Variants in NALCN observed in about 807,000 individuals in gnomAD.
NALCN encodes sodium leak channel NALCN.
A neutral mutation model predicts 225.3 loss-of-function variants in NALCN; 111 were observed. The observed-to-expected ratio is 0.49, with a 90% CI of 0.42 to 0.58. The LOEUF is 0.58. NALCN is among the 20% of genes least tolerant of loss of function. NALCN has a pLI of 0.00. For synonymous variants in NALCN, 764 were observed against 769.0 expected (o/e 0.99, Z 0.11); for missense variants, 1,378 against 2,202.4 (o/e 0.63, Z 7.49).
intron 6 of NALCN, among the ~76,000 whole-genome samples, chr13:101,365,118 C>T (rs1463479275): frequency 6.6e-6 from 1 of 152,090 alleles, no homozygotes; most frequent in East Asian, 1.9e-4. Context: ...GTCATGCGAG[C>T]GTGGCGTACA....
intron 7 of NALCN, among the ~76,000 whole-genome samples, chr13:101,320,297 AG>A (rs2044701138): frequency 6.6e-6 from 1 of 152,242 alleles, no homozygotes; most frequent in Non-Finnish European, 1.5e-5. Flanking sequence ...AAATTTGCTA[AG>A]CATTCTGAAA....
At chr13:101,261,356 T>C (rs1023039009) in intron 10 of NALCN, among the ~76,000 whole-genome samples, 6 of 152,158 alleles carry the variant, frequency 3.9e-5, no homozygotes, top group African/African-American at 9.6e-5. Flanking sequence ...TGGTTTCATA[T>C]AATTTTAGAA....
chr13:101,299,981 A>G (rs1401375455), intron 7 of NALCN, among the ~76,000 whole-genome samples: 1 of 152,032 alleles, frequency 6.6e-6, no homozygotes, highest in East Asian at 1.9e-4. Flanking sequence ...GTACCCCAAC[A>G]GTAGTTATCA....
At chr13:101,096,938 T>C (rs1020885910) in intron 27 of NALCN, among the ~76,000 whole-genome samples, 3 of 152,172 alleles carry the variant, frequency 2.0e-5, no homozygotes, top group African/African-American at 7.2e-5. Context: ...TTTAATCTGC[T>C]TCACGTCCTC....
intron 13 of NALCN, among the ~76,000 whole-genome samples, chr13:101,222,242 C>T (rs1254916388): frequency 6.6e-6 from 1 of 152,132 alleles, no homozygotes; most frequent in Non-Finnish European, 1.5e-5. Flanking sequence ...AACTCATGTT[C>T]TACAAACCCC....
At chr13:101,106,692 G>A (rs148816454) in intron 22 of NALCN, among the ~76,000 whole-genome samples, 2 of 152,256 alleles carry the variant, frequency 1.3e-5, no homozygotes, top group African/African-American at 4.8e-5. Flanking sequence ...TTTATGAGGG[G>A]TTTCTGCTTT....
intron 7 of NALCN, among the ~76,000 whole-genome samples, chr13:101,343,750 A>G (rs1310461129): frequency 2.0e-5 from 3 of 152,244 alleles, no homozygotes; most frequent in African/African-American, 7.2e-5. Flanking sequence ...CAGTACAAGG[A>G]GACTTTTTCT....
intron 6 of NALCN, among the ~76,000 whole-genome samples, chr13:101,367,127 T>C (rs978331212): frequency 6.6e-6 from 1 of 151,830 alleles, no homozygotes; most frequent in Non-Finnish European, 1.5e-5. Context: ...TTTTATTTTT[T>C]TTTATTTTTT....
At chr13:101,357,861 G>C (rs1444138461) in intron 6 of NALCN, among the ~76,000 whole-genome samples, 1 of 152,134 alleles carries the variant, frequency 6.6e-6, no homozygotes, top group Non-Finnish European at 1.5e-5. Context: ...GAACAGAACA[G>C]AGACCTCAGA....
At chr13:101,397,109 T>C (rs181715457) in intron 2 of NALCN, among the ~76,000 whole-genome samples, 18,047 of 80,676 alleles carry the variant, frequency 0.22, 2,628 homozygotes, top group African/African-American at 0.48. Context: ...TATATATATA[T>C]ACATACACAT....
intron 6 of NALCN, among the ~76,000 whole-genome samples, chr13:101,346,467 G>A (rs554024156): frequency 5.3e-5 from 8 of 152,192 alleles, no homozygotes; most frequent in Non-Finnish European, 8.8e-5. Context: ...CGAATACTAC[G>A]AAACTCATCA....
intron 3 of NALCN, among the ~76,000 whole-genome samples, chr13:101,381,617 T>A (rs954858063): frequency 6.6e-6 from 1 of 152,148 alleles, no homozygotes; most frequent in South Asian, 2.1e-4. Context: ...CCTCCCTTAC[T>A]TCCTTCTTTC....
rs751761805 is a variant in NALCN at position 101,095,620 on chromosome 13, A to C, written c.3223T>G (p.Leu1075Val). ...VSVSKNLNLKLRPGEKKPGFW... is the reference protein window; with the variant it reads ...VSVSKNLNLKVRPGEKKPGFW... The stretch of plus-strand genomic sequence containing the variant: ...CCAGGTTTTTTCTCTCCAGGCCTCA[A>C]TTTTAAATTTAAGTTCTTTGACACA... The change falls in exon 28 of 44, where the codon TTG becomes GTG. Residue 1075 changes from leucine to valine, a missense_variant. By Grantham distance (32) the Leu-to-Val change is conservative (BLOSUM62 1). This residue lies in a region of NALCN where 292 missense variants were observed against 409.5 expected (regional missense o/e 0.71). Coordinates refer to ENST00000251127, the MANE Select transcript of NALCN (RefSeq NM_052867.4). 1 of 1,613,616 alleles carries C rather than the reference A, an allele frequency of 6.2e-7. No individual in the cohort carries two copies. Among genetic ancestry groups the C allele is most frequent in the South Asian group, 1.1e-5 (1 of 90,984 alleles).
chr13:101,397,066 T>TTTTATATA (rs1491530959), intron 2 of NALCN, among the ~76,000 whole-genome samples: 4 of 56,390 alleles, frequency 7.1e-5, no homozygotes, highest in African/African-American at 1.3e-4. Context: ...TATGAATGTA[T>TTTTATATA]TATATATATA....
chr13:101,213,631 A>G (rs1206727085), intron 13 of NALCN, among the ~76,000 whole-genome samples: 2 of 152,254 alleles, frequency 1.3e-5, no homozygotes, highest in Non-Finnish European at 2.9e-5. Flanking sequence ...AAAGTGGGCG[A>G]AGGATATGAA....
chr13:101,116,514 C>A (rs752726023), intron 18 of NALCN: 5 of 516,768 alleles, frequency 9.7e-6, no homozygotes, highest in Non-Finnish European at 1.9e-5. Flanking sequence ...AGCAGGGGGT[C>A]CCCGGTTCTT....
intron 14 of NALCN, among the ~76,000 whole-genome samples, chr13:101,177,649 T>C (rs1333962976): frequency 6.6e-6 from 1 of 152,142 alleles, no homozygotes; most frequent in Non-Finnish European, 1.5e-5. Context: ...AAAAATATTT[T>C]ACGCTGTAGT....
At chr13:101,320,537 AAAG>A (rs2044708258) in intron 7 of NALCN, among the ~76,000 whole-genome samples, 1 of 152,222 alleles carries the variant, frequency 6.6e-6, no homozygotes, top group African/African-American at 2.4e-5. Flanking sequence ...AGTGCCATAT[AAAG>A]AAGGTTTTTA....
intron 11 of NALCN, among the ~76,000 whole-genome samples, chr13:101,245,416 C>T (rs1331622555): frequency 6.6e-6 from 1 of 152,084 alleles, no homozygotes; most frequent in East Asian, 1.9e-4. Context: ...TTTTAAATCA[C>T]CTCTTCTAAG....
Sources: allele counts gnomAD v4.1 joint callset (sites outside exome capture counted in the v4.1 genomes callset), GRCh38; gene constraint gnomAD v4.1.1; regional missense constraint gnomAD v4.1.1; transcripts MANE v1.5; gene names NCBI Gene and HGNC (gene_info 2026-07-23, HGNC 2026-07-21).